The following GPRIN1 variants were observed in gnomAD, a reference collection of about 807,000 sequenced individuals.
GPRIN1 encodes G protein regulated inducer of neurite outgrowth 1.
GPRIN1 carries 4 observed loss-of-function variants against 2.8 expected under a neutral mutation model. The observed-to-expected ratio is 1.45, with a 90% CI of 0.71 to 3.32. The LOEUF is 3.32. GPRIN1 is among the 30% of genes most tolerant of loss of function. The pLI, the probability that GPRIN1 is intolerant of heterozygous loss-of-function variation, is 0.01. For missense variants in GPRIN1, 1,322 were observed against 1,343.4 expected (o/e 0.98, Z 0.25); for synonymous variants, 589 against 589.9 (o/e 1.00, Z 0.02).
Position 176,597,653 on chromosome 5 carries a change from C to T in GPRIN1, c.2182G>A (p.Asp728Asn), listed in dbSNP as rs775140016. ...TKPSSSSRQL[D>N]RKALGSARSP... ...CGGGCTGAGCCGAGGGCTTTGCGGT[C>T]TAACTGCCTGGAGGAGGAGGACGGC... The change falls in exon 2 of 2, where the codon GAC (aspartate) becomes AAC (asparagine). Residue 728 changes from aspartate to asparagine, a missense_variant. Asp to Asn is a conservative substitution (Grantham distance 23). This residue lies in a region of GPRIN1 where 1,117 missense variants were observed against 1,128.6 expected (regional missense o/e 0.99). Transcript: ENST00000303991. This position sits in a 1 kb window ranked among gnomAD's most constrained non-coding sequence, Gnocchi z 6.1. 7 of 1,598,796 alleles carry T rather than the reference C, an allele frequency of 4.4e-6. No individual in the cohort carries two copies. The highest frequency in any genetic ancestry group is 1.7e-5 in the Admixed American group (1 of 58,280).
chr5:176,600,340 T>C (rs1759127012), intron 1 of GPRIN1, among the ~76,000 whole-genome samples: 1 of 151,978 alleles, frequency 6.6e-6, no homozygotes, highest in Non-Finnish European at 1.5e-5. Flanking sequence ...CGACCTCAGG[T>C]GATCCGCCCA....
Position 176,597,346 on chromosome 5 carries a change from G to A in GPRIN1, c.2489C>T (p.Ser830Phe), listed in dbSNP as rs1266051851. The A allele has an allele frequency of 4.0e-6, 5 of 1,252,066 alleles. No homozygotes were observed. Among genetic ancestry groups the A allele is most frequent in the Admixed American group, 4.3e-5 (1 of 23,404 alleles). 77.6% of individuals were successfully genotyped at this position (1,252,066 alleles called of 1,614,324 possible). The part of the protein sequence containing the change: ...ACVSVAVSPM[S>F]PQDGAGGSAF... ...CGAGCCCCCAGCGCCGTCCTGCGGAGACATGGGGCTCACGGCCACTGAGAC... is the reference window on the plus strand; with the variant it reads ...CGAGCCCCCAGCGCCGTCCTGCGGAAACATGGGGCTCACGGCCACTGAGAC... The change falls in exon 2 of 2, where the codon TCT becomes TTT. Residue 830 changes from serine (S) to phenylalanine (F), a missense_variant. By Grantham distance (155) the Ser-to-Phe change is radical (BLOSUM62 -2). Around this residue, in one of 3 missense-constraint regions of GPRIN1, gnomAD observed 1,117 missense variants for 1,128.6 expected, o/e 0.99. Coordinates refer to ENST00000303991, the MANE Select transcript of GPRIN1 (RefSeq NM_052899.3). The surrounding 1 kb of genome is among the most constrained non-coding windows in gnomAD (Gnocchi z 6.1).
chr5:176,609,027 G>T (rs58862415), intron 1 of GPRIN1, among the ~76,000 whole-genome samples: 41,350 of 152,170 alleles, frequency 0.27, 6,894 homozygotes, highest in Non-Finnish European at 0.37. Context: ...AGCCAGACCT[G>T]CTTCCAGAAA....
Position 176,597,249 on chromosome 5 carries a change from C to G in GPRIN1, c.2586G>C (p.Ser862=). Residue 862 remains serine, a synonymous_variant, in exon 2 of 2, where the codon TCG becomes TCC. Transcript: ENST00000303991. This position sits in a 1 kb window ranked among gnomAD's most constrained non-coding sequence, Gnocchi z 6.1. ...CGGAGCGCGTCTCGGCGGCGCCCAG[C>G]GACACCTGCAGGCCCGCATCTCGGC... ...PSRRDAGLQV[S]LGAAETRSVA... The G allele has an allele frequency of 8.0e-7, 1 of 1,254,338 alleles. No individual in the cohort carries two copies. Among genetic ancestry groups the G allele is most frequent in the South Asian group, 3.0e-5 (1 of 32,952 alleles). 77.7% of individuals were successfully genotyped at this position (1,254,338 alleles called of 1,614,324 possible). A position where few individuals can be genotyped will look rare whatever the true frequency, so the allele number is the denominator to read the frequency against.
At chr5:176,600,022 T>C (rs1759123447) in intron 1 of GPRIN1, 145 bp from the exon 2 acceptor site, 1 of 448,702 alleles carries the variant, frequency 2.2e-6, no homozygotes. Context: ...AACCCAAGCA[T>C]GTCACTCCCC....
intron 1 of GPRIN1, among the ~76,000 whole-genome samples, chr5:176,606,855 G>A (rs1487187409): frequency 2.0e-5 from 3 of 152,206 alleles, no homozygotes; most frequent in Non-Finnish European, 4.4e-5. Context: ...TTTTCCAGAG[G>A]AAGAAACAGG....
chr5:176,600,285 C>A, intron 1 of GPRIN1, among the ~76,000 whole-genome samples: 1 of 152,120 alleles, frequency 6.6e-6, no homozygotes, highest in Non-Finnish European at 1.5e-5. Flanking sequence ...CGCCACCACG[C>A]CCAGCTAATT....
At chr5:176,601,662 G>A (rs891113345) in intron 1 of GPRIN1, among the ~76,000 whole-genome samples, 1 of 152,064 alleles carries the variant, frequency 6.6e-6, no homozygotes, top group East Asian at 1.9e-4. Flanking sequence ...ACCCCGTTCC[G>A]TTACACACTC....
At position 176,597,578 on chromosome 5, in the gene GPRIN1, C is replaced by T. The variant is rs752304349; in HGVS notation, c.2257G>A (p.Glu753Lys). Reference sequence around the variant, plus strand: ...GAGGCCTCGGTGCTGGACACGGGCTCGGCCTTCGGCTCCACGCGGCCTTCA... The same window carrying T: ...GAGGCCTCGGTGCTGGACACGGGCTTGGCCTTCGGCTCCACGCGGCCTTCA... ...GSEGRVEPKAEPVSSTEASSL... is the reference protein window; with the variant it reads ...GSEGRVEPKAKPVSSTEASSL... The change falls in exon 2 of 2, where the codon GAG becomes AAG. Residue 753 changes from glutamate (E) to lysine (K), a missense_variant. Transcript: ENST00000303991. The surrounding 1 kb of genome is among the most constrained non-coding windows in gnomAD (Gnocchi z 6.1). 3.1e-6 allele frequency: 5 copies of T among 1,592,438 alleles called. No individual in the cohort carries two copies. The highest frequency in any genetic ancestry group is 3.4e-5 in the Admixed American group (2 of 58,808).
chr5:176,597,459 G>C lies in GPRIN1; in HGVS notation c.2376C>G (p.Asp792Glu). 1 of 1,321,836 alleles carries C rather than the reference G, an allele frequency of 7.6e-7. No homozygotes were observed. Among genetic ancestry groups the C allele is most frequent in the African/African-American group, 1.5e-5 (1 of 64,882 alleles). The allele number at this position is 1,321,836 out of a possible 1,614,324, so 81.9% of individuals were successfully genotyped here. A position where few individuals can be genotyped will look rare whatever the true frequency, so the allele number is the denominator to read the frequency against. The stretch of plus-strand genomic sequence containing the variant: ...CCCACGACGGCGCCTTGGTGAAGTT[G>C]TCGCGAGTCCGCGGCCCCGGCGGGG... ...AAPPPGPRTR[D>E]NFTKAPSWEA... Residue 792 changes from aspartate to glutamate, a missense_variant, in exon 2 of 2, where the codon GAC becomes GAG. Transcript: ENST00000303991. The surrounding 1 kb of genome is among the most constrained non-coding windows in gnomAD (Gnocchi z 6.1).
chr5:176,596,030 C>A lies in GPRIN1; in HGVS notation c.*778G>T, dbSNP rs1413730047. 8 of 176,178 alleles carry A rather than the reference C, an allele frequency of 4.5e-5. No individual in the cohort carries two copies. Among genetic ancestry groups the A allele is most frequent in the East Asian group, 1.5e-4 (1 of 6,848 alleles). 10.9% of individuals were successfully genotyped at this position (176,178 alleles called of 1,614,324 possible). A position where few individuals can be genotyped will look rare whatever the true frequency, so the allele number is the denominator to read the frequency against. On this transcript the variant is annotated 3_prime_UTR_variant, in exon 2 of 2. Coordinates refer to ENST00000303991, the MANE Select transcript of GPRIN1 (RefSeq NM_052899.3). The surrounding 1 kb of genome is among the most constrained non-coding windows in gnomAD (Gnocchi z 5.2). ...CACCGGTCACCCAGGATGCCAGGGC[C>A]CAAGAGCTTCTGTGAGCCCAGCTGT...
intron 1 of GPRIN1, among the ~76,000 whole-genome samples, chr5:176,607,429 C>T (rs1196298630): frequency 6.6e-6 from 1 of 152,192 alleles, no homozygotes; most frequent in Non-Finnish European, 1.5e-5. Context: ...CTGCAATCTC[C>T]ACCTTCCAGG....
chr5:176,599,884 C>CAG lies in GPRIN1; in HGVS notation c.-43-9_-43-8dup. On this transcript the variant is annotated splice_region_variant and splice_polypyrimidine_tract_variant and intron_variant, in intron 1 of 1. Coordinates refer to ENST00000303991, the MANE Select transcript of GPRIN1 (RefSeq NM_052899.3). ...CCAAGGCTGCTGTCTGGTTCTGAAA[C>CAG]AGAGAGAGAGCTGACTCAGACTTCC... The CAG allele has an allele frequency of 5.9e-6, 8 of 1,359,908 alleles. No homozygotes were observed. The highest frequency in any genetic ancestry group is 7.6e-6 in the Non-Finnish European group (8 of 1,050,194). The allele number at this position is 1,359,908 out of a possible 1,614,324, so 84.2% of individuals were successfully genotyped here. A position where few individuals can be genotyped will look rare whatever the true frequency, so the allele number is the denominator to read the frequency against.
Position 176,597,245 on chromosome 5 carries a change from C to A in GPRIN1, c.2590G>T (p.Gly864Cys). 1 of 1,254,878 alleles carries A rather than the reference C, an allele frequency of 8.0e-7. No individual in the cohort carries two copies. The highest frequency in any genetic ancestry group is 3.0e-5 in the South Asian group (1 of 33,002). The allele number at this position is 1,254,878 out of a possible 1,614,324, so 77.7% of individuals were successfully genotyped here. A position where few individuals can be genotyped will look rare whatever the true frequency, so the allele number is the denominator to read the frequency against. Reference sequence around the variant, plus strand: ...GCCACGGAGCGCGTCTCGGCGGCGCCCAGCGACACCTGCAGGCCCGCATCT... The same window carrying A: ...GCCACGGAGCGCGTCTCGGCGGCGCACAGCGACACCTGCAGGCCCGCATCT... ...RRDAGLQVSL[G>C]AAETRSVATG... The change falls in exon 2 of 2, where the codon GGC becomes TGC. Residue 864 changes from glycine to cysteine, a missense_variant. By Grantham distance (159) the Gly-to-Cys change is radical (BLOSUM62 -3). Around this residue, in one of 3 missense-constraint regions of GPRIN1, gnomAD observed 1,117 missense variants for 1,128.6 expected, o/e 0.99. Coordinates refer to ENST00000303991, the MANE Select transcript of GPRIN1 (RefSeq NM_052899.3). This position sits in a 1 kb window ranked among gnomAD's most constrained non-coding sequence, Gnocchi z 6.1.
In GPRIN1 at chr5:176,598,346, G is replaced by A; in HGVS notation, c.1489C>T (p.Pro497Ser). ...TNPVSSGPGD[P>S]RSLGTAGPPS... ...GGACCTGCTGTCCCCAAGGACCTGG[G>A]ATCGCCTGGACCTGAAGACACAGGG... Residue 497 changes from proline (P) to serine (S), a missense_variant, in exon 2 of 2, where the codon CCC (proline) becomes TCC (serine). Physicochemically the swap from Pro to Ser is moderately conservative, Grantham distance 74. Transcript: ENST00000303991. 6.2e-7 allele frequency: 1 copy of A among 1,613,796 alleles called. No individual in the cohort carries two copies.
At chr5:176,604,694 A>AT (rs1031504655) in intron 1 of GPRIN1, among the ~76,000 whole-genome samples, 7 of 151,604 alleles carry the variant, frequency 4.6e-5, no homozygotes, top group African/African-American at 7.3e-5. Context: ...GGTTTCCTAA[A>AT]TTTTTTTTTA....
rs751697057 is a variant in GPRIN1, at chr5:176,596,786, G to C, written c.*22C>G. 1.1e-5 allele frequency: 15 copies of C among 1,416,756 alleles called. 1 individual carries two copies. The highest frequency in any genetic ancestry group is 1.3e-5 in the Non-Finnish European group (14 of 1,086,458). The allele number at this position is 1,416,756 out of a possible 1,614,324, so 87.8% of individuals were successfully genotyped here. A position where few individuals can be genotyped will look rare whatever the true frequency, so the allele number is the denominator to read the frequency against. On this transcript the variant is annotated 3_prime_UTR_variant, in exon 2 of 2. Coordinates refer to ENST00000303991, the MANE Select transcript of GPRIN1 (RefSeq NM_052899.3). This position sits in a 1 kb window ranked among gnomAD's most constrained non-coding sequence, Gnocchi z 5.2. ...GGGAGCCTGAGAAGGTCGGAAACTC[G>C]GGCGTACAAAATGGGGGCAGATCAC... is the stretch of plus-strand genomic sequence containing the variant.
At position 176,598,713 on chromosome 5, in the gene GPRIN1, C is replaced by G. The variant is rs776120623; in HGVS notation, c.1122G>C (p.Leu374=). Residue 374 remains leucine, a synonymous_variant, in exon 2 of 2, where the codon CTG becomes CTC. Transcript: ENST00000303991. ...CTGAGGAGGCAGGGTCCATCTTTCC[C>G]AGGAACCGGGAGTCCTCTTTTGTGG... is the stretch of plus-strand genomic sequence containing the variant. ...VPATKEDSRF[L]GKMDPASSGE... 10 of 1,614,060 alleles carry G rather than the reference C, an allele frequency of 6.2e-6. No individual in the cohort carries two copies. Among genetic ancestry groups the G allele is most frequent in the Admixed American group, 1.7e-5 (1 of 60,032 alleles).
Position 176,596,944 on chromosome 5 carries a change from C to A in GPRIN1, c.2891G>T (p.Gly964Val). Reference protein sequence around the residue: ...APAPPPAARAGPGRSGSVRTA... With the variant: ...APAPPPAARAVPGRSGSVRTA... ...GCGCACCGAGCCCGAACGGCCGGGG[C>A]CGGCACGGGCGGCGGGCGGCGGCGC... Residue 964 changes from glycine (G) to valine (V), a missense_variant, in exon 2 of 2, where the codon GGC becomes GTC. Physicochemically the swap from Gly to Val is moderately radical, Grantham distance 109. This residue lies in a region of GPRIN1 where 196 missense variants were observed against 189.2 expected (regional missense o/e 1.04). Coordinates refer to ENST00000303991, the MANE Select transcript of GPRIN1 (RefSeq NM_052899.3). The surrounding 1 kb of genome is among the most constrained non-coding windows in gnomAD (Gnocchi z 5.2). The A allele has an allele frequency of 8.0e-7, 1 of 1,254,852 alleles. No homozygotes were observed. The highest frequency in any genetic ancestry group is 1.0e-6 in the Non-Finnish European group (1 of 1,000,820). 77.7% of individuals were successfully genotyped at this position (1,254,852 alleles called of 1,614,324 possible).
Sources: allele counts gnomAD v4.1 joint callset (sites outside exome capture counted in the v4.1 genomes callset), GRCh38; gene constraint gnomAD v4.1.1; regional missense constraint gnomAD v4.1.1; non-coding constraint Gnocchi (gnomAD v3.1); transcripts MANE v1.5; gene names NCBI Gene and HGNC (gene_info 2026-07-23, HGNC 2026-07-21).